The following KAZN variants were observed in gnomAD, a reference collection of about 807,000 sequenced individuals.
KAZN encodes the protein kazrin, periplakin interacting protein.
KAZN carries 40 observed loss-of-function variants against 87.4 expected under a neutral mutation model. The ratio of observed to expected loss-of-function variants is 0.46; its 90% confidence interval spans 0.36 to 0.60. The LOEUF is 0.60. KAZN is among the 20% of genes least tolerant of loss of function. KAZN has a pLI of 0.00. For missense variants in KAZN, 898 were observed against 1,073.9 expected, an observed-to-expected ratio of 0.84 and a Z score of 2.29; for synonymous variants, 466 against 458.3, an observed-to-expected ratio of 1.02 and a Z score of -0.22.
At chr1:15,083,688 C>A (rs1640116340) in intron 8 of KAZN, among the ~76,000 whole-genome samples, 1 of 152,110 alleles carries the variant, frequency 6.6e-6, no homozygotes, top group African/African-American at 2.4e-5. Flanking sequence ...GTCTCTCTGT[C>A]TCTCTCTGTG....
chr1:14,287,129 C>T (rs991121933), intron 2 of KAZN, among the ~76,000 whole-genome samples: 6 of 152,142 alleles, frequency 3.9e-5, no homozygotes, highest in African/African-American at 4.8e-5. Flanking sequence ...ATAGGAGCCA[C>T]GGGTTAGGGA....
At chr1:14,930,351 C>G (rs1659669627) in intron 1 of KAZN, among the ~76,000 whole-genome samples, 1 of 152,200 alleles carries the variant, frequency 6.6e-6, no homozygotes, top group Admixed American at 6.5e-5. Flanking sequence ...TTCAGAAAAG[C>G]TCTCCTGGGG....
At chr1:14,177,445 A>C (rs1247415051) in intron 1 of KAZN, among the ~76,000 whole-genome samples, 2 of 152,148 alleles carry the variant, frequency 1.3e-5, no homozygotes, top group South Asian at 2.1e-4. Context: ...TTTTAGTGCA[A>C]ATCTGCTGGT....
chr1:15,044,265 G>T, intron 4 of KAZN, 106 bp downstream of exon 4: 3 of 947,050 alleles, frequency 3.2e-6, no homozygotes, highest in African/African-American at 1.7e-5. Flanking sequence ...GGTGGGGTGG[G>T]TGGGGCAGAG....
intron 2 of KAZN, among the ~76,000 whole-genome samples, chr1:14,181,458 C>A (rs547423605): frequency 6.6e-6 from 1 of 152,134 alleles, no homozygotes; most frequent in Non-Finnish European, 1.5e-5. Flanking sequence ...TTTGTTTCTA[C>A]GCTGGTAGTG....
intron 1 of KAZN, among the ~76,000 whole-genome samples, chr1:14,897,662 C>T (rs1307100302): frequency 6.6e-6 from 1 of 151,994 alleles, no homozygotes; most frequent in Non-Finnish European, 1.5e-5. Context: ...TGCTTTTACA[C>T]TTTTGCAAAT....
At chr1:14,392,536 C>A (rs1177825476) in intron 2 of KAZN, among the ~76,000 whole-genome samples, 1 of 152,046 alleles carries the variant, frequency 6.6e-6, no homozygotes, top group Non-Finnish European at 1.5e-5. Flanking sequence ...GGTGTCTCTG[C>A]CCTTCCCCAA....
intron 1 of KAZN, among the ~76,000 whole-genome samples, chr1:13,894,505 C>T (rs769035258): frequency 6.6e-6 from 1 of 152,106 alleles, no homozygotes; most frequent in Non-Finnish European, 1.5e-5. Context: ...GAGTCACACA[C>T]GAAATAGGAT....
At position 15,096,787 on chromosome 1, in the gene KAZN, C is replaced by A. The variant is rs1264152845; in HGVS notation, c.1547+1854C>A. Among the ~76,000 whole-genome samples, 1 of 152,192 alleles carries A rather than the reference C, an allele frequency of 6.6e-6. No individual in the cohort carries two copies. The highest frequency in any genetic ancestry group is 2.4e-5 in the African/African-American group (1 of 41,462). Reference sequence around the variant, plus strand: ...CTTCCTGTAAGGACAATAATCCCATCATGAAGGGCACCCCTATGACCTCAT... The same window carrying A: ...CTTCCTGTAAGGACAATAATCCCATAATGAAGGGCACCCCTATGACCTCAT... On this transcript the variant is annotated intron_variant, in intron 10 of 14. Coordinates refer to ENST00000376030, the MANE Select transcript of KAZN (RefSeq NM_201628.3). The surrounding 1 kb of genome is among the most constrained non-coding windows in gnomAD (Gnocchi z 4.5).
chr1:14,954,699 G>C (rs1458603132), intron 1 of KAZN, among the ~76,000 whole-genome samples: 1 of 152,216 alleles, frequency 6.6e-6, no homozygotes, highest in South Asian at 2.1e-4. Flanking sequence ...GCTCACACCT[G>C]TAATCCCAGC....
chr1:14,492,447 TGGGAAATCAAC>T, intron 2 of KAZN, among the ~76,000 whole-genome samples: 1 of 151,718 alleles, frequency 6.6e-6, no homozygotes, highest in Non-Finnish European at 1.5e-5. Context: ...TTGTAGGTGC[TGGGAAATCAAC>T]GGGAAGAAGA....
chr1:14,323,088 A>AGG (rs1178130887), intron 2 of KAZN, among the ~76,000 whole-genome samples: 11 of 152,292 alleles, frequency 7.2e-5, no homozygotes, highest in African/African-American at 2.6e-4. Flanking sequence ...GAACAGCATG[A>AGG]GGAAAATGGC....
Position 14,973,450 on chromosome 1 carries a change from C to A in KAZN, c.418+12575C>A, listed in dbSNP as rs567775123. On this transcript the variant is annotated intron_variant, in intron 2 of 14. Coordinates refer to ENST00000376030, the MANE Select transcript of KAZN (RefSeq NM_201628.3). ...CAAAGGGGCACGAGAGCCTTTATTC[C>A]TGATGCAAGTCCTGCCCCTGTACCC... is the stretch of plus-strand genomic sequence containing the variant. Among the ~76,000 whole-genome samples, 4 of 152,312 alleles carry A rather than the reference C, an allele frequency of 2.6e-5. No homozygotes were observed. In the South Asian group the frequency reaches 6.2e-4, roughly 24 times the overall value.
At chr1:14,205,021 CT>C (rs770563616) in intron 2 of KAZN, among the ~76,000 whole-genome samples, 68 of 152,298 alleles carry the variant, frequency 4.5e-4, no homozygotes, top group Non-Finnish European at 1.2e-4. Context: ...ATTATGTGGC[CT>C]TCCATGCAGC....
chr1:14,857,577 A>C (rs1650283221), intron 1 of KAZN, among the ~76,000 whole-genome samples: 1 of 152,064 alleles, frequency 6.6e-6, no homozygotes, highest in East Asian at 1.9e-4. Context: ...GGTGATTTGA[A>C]AGGGGCCTCC....
At chr1:14,514,598 TATATATA>T (rs1671191147) in intron 2 of KAZN, among the ~76,000 whole-genome samples, 3 of 30,874 alleles carry the variant, frequency 9.7e-5, no homozygotes, top group African/African-American at 2.0e-4. Flanking sequence ...TTATATTTTA[TATATATA>T]TATATATATA....
chr1:14,948,826 T>A (rs1662133066), intron 1 of KAZN, among the ~76,000 whole-genome samples: 1 of 152,082 alleles, frequency 6.6e-6, no homozygotes, highest in African/African-American at 2.4e-5. Context: ...TGTGATGAAC[T>A]GGCAACAACT....
chr1:14,524,169 G>GCA (rs1671742579), intron 2 of KAZN, among the ~76,000 whole-genome samples: 1 of 151,996 alleles, frequency 6.6e-6, no homozygotes, highest in African/African-American at 2.4e-5. Context: ...TTACAGGCAT[G>GCA]CACCACCACG....
chr1:14,772,248 C>T (rs560064689), intron 1 of KAZN, among the ~76,000 whole-genome samples: 8 of 152,064 alleles, frequency 5.3e-5, no homozygotes, highest in Admixed American at 2.0e-4. Flanking sequence ...TTTGGGAGGC[C>T]GAGGCAGGAG....
Sources: gnomAD v4.1 joint callset for allele counts (sites outside exome capture counted in the v4.1 genomes callset) on GRCh38, gnomAD v4.1.1 for gene constraint, Gnocchi (gnomAD v3.1) non-coding constraint, MANE v1.5 for transcripts, NCBI Gene and HGNC (gene_info 2026-07-23, HGNC 2026-07-21) for gene names.